CCDC33: variants seen among roughly 807,000 people sequenced by gnomAD.
CCDC33 encodes the protein coiled-coil domain containing 33.
In CCDC33, 94 loss-of-function variants were observed where a neutral mutation model predicts 91.9. That is an observed-to-expected ratio of 1.02 (90% CI 0.87 to 1.21). CCDC33 has a LOEUF of 1.21. Ranked by LOEUF, CCDC33 falls within the 50% of genes most tolerant of loss-of-function variation. The pLI is 0.00. For missense variants in CCDC33, 940 were observed against 935.5 expected, an observed-to-expected ratio of 1.00 and a Z score of -0.06; for synonymous variants, 396 against 374.5, an observed-to-expected ratio of 1.06 and a Z score of -0.66.
Position 74,272,881 on chromosome 15 carries a change from G to C in CCDC33, c.749G>C (p.Gly250Ala). 6.2e-7 allele frequency: 1 copy of C among 1,614,196 alleles called. No homozygotes were observed. The highest frequency in any genetic ancestry group is 1.1e-5 in the South Asian group (1 of 91,084). ...GACGTGCCTCGCGTCAGCCAGAACGGATGCCCTCAGGTATGTCTCCTCCCC... is the reference window on the plus strand; with the variant it reads ...GACGTGCCTCGCGTCAGCCAGAACGCATGCCCTCAGGTATGTCTCCTCCCC... ...NFDVPRVSQN[G>A]CPQLSKPGGP... The change falls in exon 7 of 19, where the codon GGA becomes GCA. Residue 250 changes from glycine (G) to alanine (A), a missense_variant. Coordinates refer to ENST00000398814, the MANE Select transcript of CCDC33 (RefSeq NM_025055.5).
chr15:74,239,065 G>A (rs1475975470), intron 1 of CCDC33, among the ~76,000 whole-genome samples: 1 of 152,222 alleles, frequency 6.6e-6, no homozygotes, highest in African/African-American at 2.4e-5. Flanking sequence ...GAAACTGCTG[G>A]GAAATAGCCC....
chr15:74,241,978 G>A (rs2142258476), intron 1 of CCDC33, among the ~76,000 whole-genome samples: 1 of 152,354 alleles, frequency 6.6e-6, no homozygotes, highest in East Asian at 1.9e-4. Context: ...CGTTAGCTTT[G>A]AGAGGCCAGT....
chr15:74,206,935 G>A (rs1053261391), intron 1 of CCDC33, among the ~76,000 whole-genome samples: 4 of 152,344 alleles, frequency 2.6e-5, no homozygotes, highest in Admixed American at 1.3e-4. Flanking sequence ...ACAGATTGGC[G>A]GGTGGCTAAG....
intron 18 of CCDC33, chr15:74,335,318 C>T (rs2060543314): frequency 3.3e-6 from 2 of 610,480 alleles, no homozygotes; most frequent in South Asian, 1.9e-5. Context: ...TACCCTTTCC[C>T]CCATGGGGTG....
chr15:74,211,551 C>T (rs552506808), intron 2 of CCDC33, among the ~76,000 whole-genome samples: 72 of 152,228 alleles, frequency 4.7e-4, no homozygotes, highest in African/African-American at 1.3e-3. Context: ...CAGGCATGCA[C>T]CACCATGCCC....
At chr15:74,303,993 G>A (rs902311899) in intron 11 of CCDC33, 1 of 152,322 alleles carries the variant, frequency 6.6e-6, no homozygotes, top group Non-Finnish European at 1.5e-5. Context: ...GAGAGGAGAA[G>A]GGTAGAAAGG....
rs755196411 is a variant in CCDC33, at chr15:74,330,286, T to C, written c.1388T>C (p.Leu463Pro). The C allele has an allele frequency of 1.2e-6, 2 of 1,611,934 alleles. No homozygotes were observed. The highest frequency in any genetic ancestry group is 2.2e-5 in the East Asian group (1 of 44,804). The change falls in exon 12 of 19, where the codon CTG (leucine) becomes CCG (proline). Residue 463 changes from leucine to proline, a missense_variant. Transcript: ENST00000398814. ...ATCCTGGAAGGAGAGAACCGCATAC[T>C]GAGGAGCCGCCTGGCCCAGCAGGAG... The part of the protein sequence containing the change: ...ASILEGENRI[L>P]RSRLAQQEEE...
chr15:74,236,954 T>C (rs796551540), intron 1 of CCDC33, among the ~76,000 whole-genome samples: 92 of 152,298 alleles, frequency 6.0e-4, no homozygotes, highest in African/African-American at 2.1e-3. Context: ...TGGAATGCAG[T>C]GTACTTGCAG....
chr15:74,210,075 C>T (rs977254688), intron 2 of CCDC33, among the ~76,000 whole-genome samples: 2 of 152,106 alleles, frequency 1.3e-5, no homozygotes, highest in Non-Finnish European at 2.9e-5. Flanking sequence ...CAGCTCAAGC[C>T]GAGAAAGGGA....
At chr15:74,326,636 G>A (rs1275419073) in intron 11 of CCDC33, among the ~76,000 whole-genome samples, 1 of 152,238 alleles carries the variant, frequency 6.6e-6, no homozygotes, top group Non-Finnish European at 1.5e-5. Flanking sequence ...GGTCTTGGAT[G>A]GGGAAAGCGC....
chr15:74,211,787 ACT>A (rs1205715395), intron 2 of CCDC33, among the ~76,000 whole-genome samples: 1 of 149,504 alleles, frequency 6.7e-6, no homozygotes, highest in South Asian at 2.1e-4. Flanking sequence ...CTGGTATGCC[ACT>A]CTCTGTTTCA....
chr15:74,289,836 G>A (rs60852398), intron 10 of CCDC33, among the ~76,000 whole-genome samples: 3,193 of 152,274 alleles, frequency 0.021, 118 homozygotes, highest in African/African-American at 0.074. Context: ...GTGTTGCCTT[G>A]AGAATGTGAG....
At chr15:74,282,432 C>A (rs2059387997) in intron 10 of CCDC33, among the ~76,000 whole-genome samples, 2 of 152,126 alleles carry the variant, frequency 1.3e-5, no homozygotes, top group Admixed American at 6.5e-5. Context: ...CACAATGGCC[C>A]CGTTCATCTT....
intron 5 of CCDC33, among the ~76,000 whole-genome samples, chr15:74,269,996 G>A (rs765641719): frequency 6.6e-6 from 1 of 152,184 alleles, no homozygotes; most frequent in Non-Finnish European, 1.5e-5. Flanking sequence ...GAGCAATAGG[G>A]CCTGCCAGCC....
rs2075156246 is a variant in CCDC33, at chr15:74,236,388, G to T, written c.-332G>T. ...GCCCCATCTCTCCACCGTCCTAGGT[G>T]TGCCAAGAGTCAATTGCCTCATTGC... On this transcript the variant is annotated 5_prime_UTR_variant, in exon 1 of 19. Coordinates refer to ENST00000398814, the MANE Select transcript of CCDC33 (RefSeq NM_025055.5). 2 of 338,574 alleles carry T rather than the reference G, an allele frequency of 5.9e-6. No individual in the cohort carries two copies. The highest frequency in any genetic ancestry group is 1.1e-5 in the Non-Finnish European group (2 of 185,832). 21.0% of individuals were successfully genotyped at this position (338,574 alleles called of 1,614,324 possible).
At chr15:74,262,102 G>A (rs1199613693) in intron 2 of CCDC33, among the ~76,000 whole-genome samples, 2 of 152,172 alleles carry the variant, frequency 1.3e-5, no homozygotes, top group Admixed American at 6.5e-5. Flanking sequence ...ATGCACACGG[G>A]CTCCTGCTGG....
chr15:74,323,422 T>A (rs759089157), intron 11 of CCDC33, among the ~76,000 whole-genome samples: 11 of 152,044 alleles, frequency 7.2e-5, no homozygotes, highest in Non-Finnish European at 1.3e-4. Flanking sequence ...ATCACCAGCA[T>A]CCTCACGCCC....
chr15:74,296,931 T>G (rs1462610432), intron 11 of CCDC33, among the ~76,000 whole-genome samples: 1 of 152,198 alleles, frequency 6.6e-6, no homozygotes, highest in Non-Finnish European at 1.5e-5. Flanking sequence ...TGGGGAACGC[T>G]GCTCTGGAAG....
Position 74,316,931 on chromosome 15 carries a change from G to A in CCDC33, c.1291-13258G>A, listed in dbSNP as rs1007007262. Among the ~76,000 whole-genome samples the A allele has an allele frequency of 3.9e-5, 6 of 152,192 alleles. No homozygotes were observed. The highest frequency in any genetic ancestry group is 7.3e-5 in the Non-Finnish European group (5 of 68,046). ...TAAGTGACCTGTCCAAAGTCACACA[G>A]CTGCTTAGTAACAGAGCCCACTATC... On this transcript the variant is annotated intron_variant, in intron 11 of 18. Coordinates refer to ENST00000398814, the MANE Select transcript of CCDC33 (RefSeq NM_025055.5). This position sits in a 1 kb window ranked among gnomAD's most constrained non-coding sequence, Gnocchi z 4.7.
Sources: gnomAD v4.1 joint callset for allele counts (sites outside exome capture counted in the v4.1 genomes callset) on GRCh38, gnomAD v4.1.1 for gene constraint, Gnocchi (gnomAD v3.1) non-coding constraint, MANE v1.5 for transcripts, NCBI Gene and HGNC (gene_info 2026-07-23, HGNC 2026-07-21) for gene names.